The following GRM7 variants were observed in gnomAD, a reference collection of about 807,000 sequenced individuals.
GRM7 encodes the protein metabotropic glutamate receptor 7.
In GRM7, 35 loss-of-function variants were observed where a neutral mutation model predicts 84.5. The ratio of observed to expected loss-of-function variants is 0.41; its 90% CI spans 0.32 to 0.55. GRM7 has a LOEUF of 0.55. GRM7 is among the 20% of genes least tolerant of loss of function. The pLI is 0.19. For synonymous variants in GRM7, 487 were observed against 455.1 expected, an observed-to-expected ratio of 1.07 and a Z score of -0.89; for missense variants, 1,003 against 1,194.6, an observed-to-expected ratio of 0.84 and a Z score of 2.36.
At chr3:7,353,090 C>T (rs1693232555) in intron 4 of GRM7, among the ~76,000 whole-genome samples, 2 of 151,976 alleles carry the variant, frequency 1.3e-5, no homozygotes, top group Non-Finnish European at 1.5e-5. Flanking sequence ...GTAGTGGTTG[C>T]CTCTGAGGCG....
intron 2 of GRM7, among the ~76,000 whole-genome samples, chr3:7,182,503 C>A (rs184490034): frequency 6.6e-6 from 1 of 151,874 alleles, no homozygotes; most frequent in African/African-American, 2.4e-5. Flanking sequence ...GGAGGAAAGT[C>A]AAAAAAATAA....
At chr3:7,677,125 G>C (rs553793666) in intron 8 of GRM7, among the ~76,000 whole-genome samples, 2 of 151,842 alleles carry the variant, frequency 1.3e-5, no homozygotes, top group South Asian at 4.2e-4. Context: ...AGCCGGGCGC[G>C]GTGGCACGTG....
chr3:7,415,380 C>A (rs1575303654), intron 5 of GRM7, among the ~76,000 whole-genome samples: 1 of 152,262 alleles, frequency 6.6e-6, no homozygotes, highest in Middle Eastern at 3.4e-3. Flanking sequence ...CAGTAATTGA[C>A]ATTTTCAGTG....
intron 1 of GRM7, among the ~76,000 whole-genome samples, chr3:6,929,460 G>A (rs904774499): frequency 2.6e-5 from 4 of 152,290 alleles, no homozygotes; most frequent in East Asian, 1.9e-4. Flanking sequence ...AGGTGGTACC[G>A]TGTTCATGAA....
At chr3:7,091,538 A>T (rs1298432124) in intron 1 of GRM7, among the ~76,000 whole-genome samples, 1 of 151,820 alleles carries the variant, frequency 6.6e-6, no homozygotes, top group African/African-American at 2.4e-5. Flanking sequence ...CCTTTTTGGC[A>T]GTGTCTACTC....
At chr3:7,088,082 T>C (rs1160199170) in intron 1 of GRM7, among the ~76,000 whole-genome samples, 1 of 152,176 alleles carries the variant, frequency 6.6e-6, no homozygotes, top group African/African-American at 2.4e-5. Context: ...TAGTTAACAG[T>C]TATACCATGA....
intron 2 of GRM7, among the ~76,000 whole-genome samples, chr3:7,271,401 T>C (rs1392488725): frequency 6.6e-6 from 1 of 151,142 alleles, no homozygotes; most frequent in African/African-American, 2.4e-5. Flanking sequence ...CTACTAAAAA[T>C]ACAAAAAATT....
At chr3:7,414,642 A>G (rs551653220) in intron 4 of GRM7, among the ~76,000 whole-genome samples, 1 of 152,276 alleles carries the variant, frequency 6.6e-6, no homozygotes, top group South Asian at 2.1e-4. Flanking sequence ...TAGAAAGTCA[A>G]TTACATAATG....
intron 2 of GRM7, among the ~76,000 whole-genome samples, chr3:7,167,973 C>CAAAAAAAAAAA (rs60681836): frequency 5.5e-5 from 3 of 54,610 alleles, no homozygotes; most frequent in African/African-American, 2.0e-4. Flanking sequence ...GACTCTGTCT[C>CAAAAAAAAAAA]AAAAAAAAAA....
intron 1 of GRM7, among the ~76,000 whole-genome samples, chr3:7,093,820 A>T (rs1698760385): frequency 6.6e-5 from 10 of 150,506 alleles, no homozygotes. Flanking sequence ...AATACTTACT[A>T]TGTAGTGGAA....
At chr3:7,271,653 A>G (rs902355264) in intron 2 of GRM7, among the ~76,000 whole-genome samples, 2 of 151,912 alleles carry the variant, frequency 1.3e-5, no homozygotes, top group Admixed American at 6.6e-5. Flanking sequence ...CAAGGTCCCT[A>G]GCTGATTCCT....
chr3:7,387,493 A>ATTCTGCTACATTTGGT (rs374547830), intron 4 of GRM7, among the ~76,000 whole-genome samples: 9 of 152,148 alleles, frequency 5.9e-5, no homozygotes, highest in Admixed American at 2.0e-4. Context: ...ATCAAGTTTC[A>ATTCTGCTACATTTGGT]TTCTGCTACA....
chr3:7,334,433 A>T (rs1701324115), intron 4 of GRM7, among the ~76,000 whole-genome samples: 1 of 152,072 alleles, frequency 6.6e-6, no homozygotes, highest in Admixed American at 6.6e-5. Flanking sequence ...ACCTGAAAAT[A>T]TACCAAAATA....
chr3:7,700,435 C>T lies in GRM7; in HGVS notation c.2698+20140C>T, dbSNP rs1256170648. On this transcript the variant is annotated intron_variant, in intron 9 of 9. Coordinates refer to ENST00000357716, the MANE Select transcript of GRM7 (RefSeq NM_000844.4). ...CAACAGCTTTGTTTTAAAAAAGATA[C>T]TCAAATAGAGTGCCTCAGTCTAGAT... Among the ~76,000 whole-genome samples the T allele has an allele frequency of 2.6e-5, 4 of 152,146 alleles. No homozygotes were observed. In the East Asian group the frequency reaches 7.7e-4, roughly 29 times the overall value.
chr3:6,947,178 T>G (rs1334632521), intron 1 of GRM7, among the ~76,000 whole-genome samples: 1 of 152,222 alleles, frequency 6.6e-6, no homozygotes, highest in Non-Finnish European at 1.5e-5. Flanking sequence ...AGTATGATAT[T>G]GGCTGTGGGT....
At chr3:7,077,591 A>T in intron 1 of GRM7, among the ~76,000 whole-genome samples, 2 of 147,020 alleles carry the variant, frequency 1.4e-5, no homozygotes, top group Admixed American at 6.8e-5. Flanking sequence ...GGGCTAGGGG[A>T]GGGATAGCAT....
intron 1 of GRM7, among the ~76,000 whole-genome samples, chr3:6,960,177 C>G (rs1054133595): frequency 4.6e-5 from 7 of 152,160 alleles, no homozygotes; most frequent in African/African-American, 1.4e-4. Context: ...CAGGCAATGA[C>G]TCAAGCTGAG....
At chr3:7,695,139 T>C (rs1700969129) in intron 9 of GRM7, among the ~76,000 whole-genome samples, 1 of 152,218 alleles carries the variant, frequency 6.6e-6, no homozygotes, top group Admixed American at 6.5e-5. Context: ...CACCCCTCTG[T>C]AGGCTAGCAC....
intron 1 of GRM7, among the ~76,000 whole-genome samples, chr3:7,089,991 C>T (rs1362245879): frequency 6.6e-6 from 1 of 151,944 alleles, no homozygotes; most frequent in Non-Finnish European, 1.5e-5. Context: ...TACAGGTGCG[C>T]ACCACCATGT....
Sources: gnomAD v4.1 joint callset for allele counts (sites outside exome capture counted in the v4.1 genomes callset) on GRCh38, gnomAD v4.1.1 for gene constraint, MANE v1.5 for transcripts, NCBI Gene and HGNC (gene_info 2026-07-23, HGNC 2026-07-21) for gene names.